The following COL4A3 variants were observed in gnomAD, a reference collection of about 807,000 sequenced individuals.
COL4A3 encodes collagen alpha-3(IV) chain.
In COL4A3, 135 loss-of-function variants were observed where a neutral mutation model predicts 217.4. That is an observed-to-expected ratio of 0.62 (90% confidence interval 0.54 to 0.72). The LOEUF (loss-of-function observed/expected upper bound fraction) is 0.72, where lower values mean the gene tolerates loss of function less well. COL4A3 is among the 30% of genes least tolerant of loss of function. COL4A3 has a pLI of 0.00. For synonymous variants in COL4A3, 690 were observed against 736.3 expected (o/e 0.94, Z 1.02); for missense variants, 1,868 against 2,119.9 (o/e 0.88, Z 2.33).
At chr2:227,180,417 T>C (rs1419515269) in intron 1 of COL4A3, among the ~76,000 whole-genome samples, 7 of 152,180 alleles carry the variant, frequency 4.6e-5, no homozygotes, top group Non-Finnish European at 1.0e-4. Context: ...GAGCTTCTAC[T>C]CGCTGTGACC....
chr2:227,196,970 G>C (rs895794579), intron 1 of COL4A3, among the ~76,000 whole-genome samples: 1 of 152,108 alleles, frequency 6.6e-6, no homozygotes, highest in Non-Finnish European at 1.5e-5. Context: ...TGAATCATGG[G>C]GGGTAGGTAT....
At chr2:227,294,713 G>T in intron 39 of COL4A3, 143 bp downstream of exon 39, 1 of 723,022 alleles carries the variant, frequency 1.4e-6, no homozygotes, top group Non-Finnish European at 2.4e-6. Flanking sequence ...AAAAAATGGG[G>T]TTAGATATTT....
intron 36 of COL4A3, among the ~76,000 whole-genome samples, chr2:227,290,454 C>T (rs2072619863): frequency 6.6e-6 from 1 of 152,054 alleles, no homozygotes; most frequent in Non-Finnish European, 1.5e-5. Flanking sequence ...GAGCTGAGGT[C>T]ACGCTGCTGC....
At position 227,269,270 on chromosome 2, in the gene COL4A3, T is replaced by C. The variant is rs548947424; in HGVS notation, c.1505-640T>C. Among the ~76,000 whole-genome samples the C allele has an allele frequency of 1.4e-4, 21 of 152,332 alleles. No individual in the cohort carries two copies. The East Asian group carries it at 3.7e-3, about 27-fold the overall frequency. The stretch of plus-strand genomic sequence containing the variant: ...TTTTAAAAATTTATTATAAAGGAAA[T>C]AATTGGATAAATTTGGAGAGCTAAA... On this transcript the variant is annotated intron_variant, in intron 23 of 51. Coordinates refer to ENST00000396578, the MANE Select transcript of COL4A3 (RefSeq NM_000091.5).
At chr2:227,241,896 G>A (rs983737980) in intron 3 of COL4A3, among the ~76,000 whole-genome samples, 5 of 152,112 alleles carry the variant, frequency 3.3e-5, no homozygotes, top group Admixed American at 6.6e-5. Flanking sequence ...CTACATGGAT[G>A]AGAAAACGGA....
rs956480982 is a variant in COL4A3 at position 227,298,798 on chromosome 2, C to T, written c.3868C>T (p.Pro1290Ser). The stretch of plus-strand genomic sequence containing the variant: ...ACCTGGAACTGCAGGAGACATGGGA[C>T]CACCAGGTCGTCTGGTGAGTATGGA... The part of the protein sequence containing the change: ...GPPGTAGDMG[P>S]PGRLGAPGTP... Residue 1290 changes from proline to serine, a missense_variant, in exon 43 of 52, where the codon CCA (proline) becomes TCA (serine). Coordinates refer to ENST00000396578, the MANE Select transcript of COL4A3 (RefSeq NM_000091.5). The T allele has an allele frequency of 6.2e-7, 1 of 1,613,662 alleles. No individual in the cohort carries two copies. The highest frequency in any genetic ancestry group is 8.5e-7 in the Non-Finnish European group (1 of 1,179,952).
At chr2:227,310,722 A>G in intron 50 of COL4A3, 54 bp from the exon 51 acceptor site, 4 of 1,517,512 alleles carry the variant, frequency 2.6e-6, no homozygotes, top group East Asian at 2.3e-5. Flanking sequence ...AGAGAATTGA[A>G]AATTTGAACC....
rs2071892231 is a variant in COL4A3, at chr2:227,280,584, C to T, written c.2368C>T (p.Pro790Ser). Residue 790 changes from proline (P) to serine (S), a missense_variant, in exon 30 of 52, where the codon CCA becomes TCA. Physicochemically the swap from Pro to Ser is moderately conservative, Grantham distance 74. Coordinates refer to ENST00000396578, the MANE Select transcript of COL4A3 (RefSeq NM_000091.5). ...TCCAGGAAATGAAGGGCTTGATGGA[C>T]CACGAGGTACAATAGCAAGTGTCAT... ...GTPGNEGLDG[P>S]RGDPGQPGPP... The T allele has an allele frequency of 6.2e-7, 1 of 1,614,014 alleles. No homozygotes were observed. The highest frequency in any genetic ancestry group is 2.2e-5 in the East Asian group (1 of 44,872).
At chr2:227,303,409 ACTC>A (rs1274903880) in intron 44 of COL4A3, among the ~76,000 whole-genome samples, 4 of 152,176 alleles carry the variant, frequency 2.6e-5, no homozygotes, top group African/African-American at 7.2e-5. Flanking sequence ...GCTGAAAAGA[ACTC>A]CTAACGTAAC....
chr2:227,202,603 C>T (rs998368914), intron 1 of COL4A3, among the ~76,000 whole-genome samples: 8 of 151,216 alleles, frequency 5.3e-5, no homozygotes, highest in South Asian at 2.1e-4. Flanking sequence ...GGCGCGGTGG[C>T]GGGCACCTGT....
intron 1 of COL4A3, among the ~76,000 whole-genome samples, chr2:227,183,842 G>C (rs987017343): frequency 1.3e-5 from 2 of 152,154 alleles, no homozygotes; most frequent in African/African-American, 4.8e-5. Context: ...CCTCTCCCAG[G>C]AATTTAAATC....
At chr2:227,228,704 T>C (rs938779054) in intron 1 of COL4A3, 4 of 152,200 alleles carry the variant, frequency 2.6e-5, no homozygotes, top group Non-Finnish European at 4.4e-5. Flanking sequence ...TAAAAATGCA[T>C]GTGCATATTT....
chr2:227,277,306 G>A (rs536534342), intron 27 of COL4A3, 143 bp from the exon 28 acceptor site: 66 of 629,202 alleles, frequency 1.0e-4, no homozygotes, highest in African/African-American at 8.6e-4. Context: ...GCGACAGACC[G>A]AAACTCCATC....
chr2:227,269,501 G>A (rs779660633), intron 23 of COL4A3, among the ~76,000 whole-genome samples: 1 of 152,076 alleles, frequency 6.6e-6, no homozygotes, highest in Non-Finnish European at 1.5e-5. Context: ...GTGTGTCTAC[G>A]AGTCCTATGC....
chr2:227,292,255 T>A (rs1332714838), intron 37 of COL4A3, among the ~76,000 whole-genome samples: 2 of 152,136 alleles, frequency 1.3e-5, no homozygotes, highest in Non-Finnish European at 2.9e-5. Flanking sequence ...GAAAAAAATT[T>A]AGACACTACA....
Position 227,276,443 on chromosome 2 carries a change from G to A in COL4A3, c.1986G>A (p.Gly662=). The stretch of plus-strand genomic sequence containing the variant: ...TTCCAGGCCCACCAGGACCTCCAGG[G>A]CCCCCTGGCCATCCTGGCCCCCAAG... ...TPVPGPPGPP[G]PPGHPGPQGP... The change falls in exon 27 of 52, where the codon GGG becomes GGA. Residue 662 remains glycine (G), a synonymous_variant. Coordinates refer to ENST00000396578, the MANE Select transcript of COL4A3 (RefSeq NM_000091.5). 1 of 1,614,110 alleles carries A rather than the reference G, an allele frequency of 6.2e-7. No homozygotes were observed. Among genetic ancestry groups the A allele is most frequent in the Admixed American group, 1.7e-5 (1 of 60,020 alleles).
intron 37 of COL4A3, among the ~76,000 whole-genome samples, chr2:227,291,670 G>A (rs1048873874): frequency 6.6e-6 from 1 of 150,852 alleles, no homozygotes; most frequent in Admixed American, 6.6e-5. Context: ...ATTAGAAAGC[G>A]AACAAAATCC....
Position 227,238,004 on chromosome 2 carries a change from G to A in COL4A3, c.124G>A (p.Asp42Asn). 6.2e-7 allele frequency: 1 copy of A among 1,610,152 alleles called. No homozygotes were observed. Among genetic ancestry groups the A allele is most frequent in the Non-Finnish European group, 8.5e-7 (1 of 1,176,642 alleles). ...TAAAGACAAAGGCCAGTGCTTCTGT[G>A]ACGGGGCCAAAGGGGAGAAGGTAAA... is the stretch of plus-strand genomic sequence containing the variant. ...VCKDKGQCFC[D>N]GAKGEKGEKG... Residue 42 changes from aspartate (D) to asparagine (N), a missense_variant, in exon 2 of 52, where the codon GAC (aspartate) becomes AAC (asparagine). By Grantham distance (23) the Asp-to-Asn change is conservative (BLOSUM62 1). Transcript: ENST00000396578.
chr2:227,260,198 A>T, intron 19 of COL4A3: 1 of 475,274 alleles, frequency 2.1e-6, no homozygotes, highest in East Asian at 4.7e-5. Flanking sequence ...GGAAAAATGG[A>T]GACCGCGAAC....
Sources: allele counts gnomAD v4.1 joint callset (sites outside exome capture counted in the v4.1 genomes callset), GRCh38; gene constraint gnomAD v4.1.1; transcripts MANE v1.5; gene names NCBI Gene and HGNC (gene_info 2026-07-23, HGNC 2026-07-21).